The following CCNB1IP1 variants were observed in gnomAD, a reference collection of about 807,000 sequenced individuals.
The protein encoded by CCNB1IP1 is E3 ubiquitin-protein ligase CCNB1IP1.
CCNB1IP1 carries 14 observed loss-of-function variants against 25.6 expected under a neutral mutation model. That is an observed-to-expected ratio of 0.55 (90% CI 0.36 to 0.85). The LOEUF is 0.85. CCNB1IP1 is among the 40% of genes least tolerant of loss of function. The probability of loss-of-function intolerance (pLI) is 0.01; values close to 1 mark genes in which losing one functional copy is unlikely to be tolerated. For missense variants in CCNB1IP1, 278 were observed against 342.4 expected, an observed-to-expected ratio of 0.81 and a Z score of 1.48; for synonymous variants, 119 against 116.1, an observed-to-expected ratio of 1.02 and a Z score of -0.16.
chr14:20,311,710 T>C lies in CCNB1IP1; in HGVS notation c.674A>G (p.Asn225Ser), dbSNP rs1882489097. Residue 225 changes from asparagine (N) to serine (S), a missense_variant, in exon 7 of 7, where the codon AAT becomes AGT. Asn to Ser is a conservative substitution (Grantham distance 46). Coordinates refer to ENST00000358932, the MANE Select transcript of CCNB1IP1 (RefSeq NM_021178.5). Reference sequence around the variant, plus strand: ...AAAATCTCCATCTCCATCGCCCCGATTTCGAACAGGTGTATTATCCAAAGG... The same window carrying C: ...AAAATCTCCATCTCCATCGCCCCGACTTCGAACAGGTGTATTATCCAAAGG... ...KFPLDNTPVR[N>S]RGDGDGDFQF... 6.2e-7 allele frequency: 1 copy of C among 1,613,960 alleles called. No homozygotes were observed. The highest frequency in any genetic ancestry group is 1.3e-5 in the African/African-American group (1 of 74,892).
At chr14:20,317,917 T>A (rs1217374600) in intron 4 of CCNB1IP1, 1 of 152,170 alleles carries the variant, frequency 6.6e-6, no homozygotes, top group Non-Finnish European at 1.5e-5. Context: ...ATGCGTGGGG[T>A]TGCCCCGAAG....
At chr14:20,323,074 A>G (rs1302277723) in intron 4 of CCNB1IP1, 1 of 152,194 alleles carries the variant, frequency 6.6e-6, no homozygotes, top group East Asian at 1.9e-4. Flanking sequence ...GCACCAGATG[A>G]CAGCTATCTA....
intron 4 of CCNB1IP1, among the ~76,000 whole-genome samples, chr14:20,317,009 TGAGGCAGGAGAATCACTTGAATCCGG>T (rs1201490526): frequency 6.6e-6 from 1 of 152,162 alleles, no homozygotes; most frequent in Non-Finnish European, 1.5e-5. Context: ...CTCGGGAGGC[TGAGGCAGGAGAATCACTTGAATCCGG>T]GAGGCAGAGG....
chr14:20,316,166 C>A (rs1882686924), intron 5 of CCNB1IP1, 61 bp downstream of exon 5: 4 of 1,446,562 alleles, frequency 2.8e-6, no homozygotes, highest in South Asian at 1.3e-5. Flanking sequence ...AGGAAAGACA[C>A]TAGAAGTTCC....
At chr14:20,312,993 G>A (rs766769588) in intron 6 of CCNB1IP1, among the ~76,000 whole-genome samples, 1 of 152,092 alleles carries the variant, frequency 6.6e-6, no homozygotes, top group Non-Finnish European at 1.5e-5. Context: ...GATAGCAAAT[G>A]GTTAAGAGTA....
At chr14:20,313,186 TTATTAC>T (rs1316082111) in intron 6 of CCNB1IP1, among the ~76,000 whole-genome samples, 1 of 152,130 alleles carries the variant, frequency 6.6e-6, no homozygotes, top group African/African-American at 2.4e-5. Context: ...GCTAATATTA[TTATTAC>T]TACAACTACA....
chr14:20,316,576 T>C lies in CCNB1IP1; in HGVS notation c.-37-16A>G. 6.8e-7 allele frequency: 1 copy of C among 1,461,048 alleles called. No individual in the cohort carries two copies. The highest frequency in any genetic ancestry group is 9.4e-7 in the Non-Finnish European group (1 of 1,068,674). The allele number at this position is 1,461,048 out of a possible 1,614,324, so 90.5% of individuals were successfully genotyped here. A position where few individuals can be genotyped will look rare whatever the true frequency, so the allele number is the denominator to read the frequency against. On this transcript the variant is annotated splice_polypyrimidine_tract_variant and intron_variant, in intron 4 of 6. Coordinates refer to ENST00000358932, the MANE Select transcript of CCNB1IP1 (RefSeq NM_021178.5). ...GAAGAGAGGCCTAAGAAGGGGTAAA[T>C]AAAAAGGCCAAGTAAGTTAAATTGC...
At chr14:20,333,050 C>T (rs191684867) in intron 1 of CCNB1IP1, 1 of 152,258 alleles carries the variant, frequency 6.6e-6, no homozygotes, top group Non-Finnish European at 1.5e-5. Flanking sequence ...AAGGCAAACC[C>T]AGTACTGCAG....
At chr14:20,320,055 T>C (rs915913445) in intron 4 of CCNB1IP1, among the ~76,000 whole-genome samples, 23 of 152,382 alleles carry the variant, frequency 1.5e-4, no homozygotes, top group Admixed American at 1.4e-3. Context: ...CATCTGTGAT[T>C]TGCCTGTTCA....
chr14:20,313,145 G>A (rs1181427733), intron 6 of CCNB1IP1, among the ~76,000 whole-genome samples: 1 of 152,186 alleles, frequency 6.6e-6, no homozygotes, highest in Non-Finnish European at 1.5e-5. Context: ...AAACACAACA[G>A]TGCCTAGCAC....
In CCNB1IP1 at chr14:20,311,437, T is replaced by C; in HGVS notation, c.*113A>G. On this transcript the variant is annotated 3_prime_UTR_variant, in exon 7 of 7. Transcript: ENST00000358932. ...TCTCACTCTGTTGCCCAGGCTGGAG[T>C]GCAGTGGCATGATCTTAGATCACTA... 5 of 817,042 alleles carry C rather than the reference T, an allele frequency of 6.1e-6. No individual in the cohort carries two copies. The highest frequency in any genetic ancestry group is 1.6e-5 in the South Asian group (1 of 64,434). 50.6% of individuals were successfully genotyped at this position (817,042 alleles called of 1,614,324 possible). A position where few individuals can be genotyped will look rare whatever the true frequency, so the allele number is the denominator to read the frequency against.
intron 4 of CCNB1IP1, among the ~76,000 whole-genome samples, chr14:20,324,752 G>A (rs572356459): frequency 4.6e-5 from 7 of 152,252 alleles, no homozygotes; most frequent in African/African-American, 1.2e-4. Context: ...AAGTGATAGA[G>A]CATGCGTTTG....
chr14:20,323,725 G>A lies in CCNB1IP1; in HGVS notation c.-38+1814C>T, dbSNP rs962099793. 3.3e-5 allele frequency among the ~76,000 whole-genome samples: 5 copies of A among 152,056 alleles called. No homozygotes were observed. The South Asian group carries it at 8.3e-4, about 25-fold the overall frequency. On this transcript the variant is annotated intron_variant, in intron 4 of 6. Transcript: ENST00000358932. ...GGGTGGATCATGAGGTCAGAAGATC[G>A]AGACCACGGTGAAACCCCGTCTCTA...
Position 20,313,642 on chromosome 14 carries a change from ATTC to A in CCNB1IP1, c.454_456del (p.Glu152del), listed in dbSNP as rs762673575. On this transcript the variant is annotated inframe_deletion, in exon 6 of 7. Transcript: ENST00000358932. ...GAGATGTCACTGAACTTTTTCTTGT[ATTC>A]TTCTAGTACTTTCTTCATGGAGGTA... 6.2e-7 allele frequency: 1 copy of A among 1,614,152 alleles called. No homozygotes were observed. Among genetic ancestry groups the A allele is most frequent in the Non-Finnish European group, 8.5e-7 (1 of 1,180,016 alleles).
At position 20,311,521 on chromosome 14, in the gene CCNB1IP1, G is replaced by T. The variant is rs1318985378; in HGVS notation, c.*29C>A. The T allele has an allele frequency of 6.3e-7, 1 of 1,592,992 alleles. No homozygotes were observed. The highest frequency in any genetic ancestry group is 1.7e-5 in the Admixed American group (1 of 59,960). ...CAGCCTCAACCTCCTAAGTAGCTGG[G>T]ATCACAGGTGCGTGACACTATGCGT... On this transcript the variant is annotated 3_prime_UTR_variant, in exon 7 of 7. Coordinates refer to ENST00000358932, the MANE Select transcript of CCNB1IP1 (RefSeq NM_021178.5).
chr14:20,316,185 CCA>C, intron 5 of CCNB1IP1, 40 bp downstream of exon 5: 1 of 1,553,430 alleles, frequency 6.4e-7, no homozygotes, highest in Non-Finnish European at 8.8e-7. Flanking sequence ...CCCACAAATG[CCA>C]TAAATCACAT....
chr14:20,319,810 GT>G (rs1882834847), intron 4 of CCNB1IP1, among the ~76,000 whole-genome samples: 5 of 152,158 alleles, frequency 3.3e-5, no homozygotes, highest in African/African-American at 1.2e-4. Flanking sequence ...TCAACTAAAT[GT>G]TGCCAAACCA....
Position 20,329,839 on chromosome 14 carries a change from T to A in CCNB1IP1, c.-430-466A>T, listed in dbSNP as rs145422428. On this transcript the variant is annotated intron_variant, in intron 1 of 6. Coordinates refer to ENST00000358932, the MANE Select transcript of CCNB1IP1 (RefSeq NM_021178.5). ...GAAATCATACTAAACTAGATTTTAA[T>A]CCTGGCTCTCTCATGTATTTGCTGT... 7.6e-3 allele frequency among the ~76,000 whole-genome samples: 1,164 copies of A among 152,330 alleles called. 21 individuals are homozygous for A. The highest frequency in any genetic ancestry group is 0.026 in the African/African-American group (1,069 of 41,562).
intron 1 of CCNB1IP1, chr14:20,332,927 G>T (rs1883295794): frequency 6.6e-6 from 1 of 152,150 alleles, no homozygotes; most frequent in Non-Finnish European, 1.5e-5. Context: ...ACAGCATTAG[G>T]ATGATAATAT....
Sources: gnomAD v4.1 joint callset for allele counts (sites outside exome capture counted in the v4.1 genomes callset) on GRCh38, gnomAD v4.1.1 for gene constraint, MANE v1.5 for transcripts, NCBI Gene and HGNC (gene_info 2026-07-23, HGNC 2026-07-21) for gene names.